The following IQSEC1 variants were observed in gnomAD, a reference collection of about 807,000 sequenced individuals.
IQSEC1 encodes the protein IQ motif and Sec7 domain ArfGEF 1, also known as IQ motif and SEC7 domain-containing protein 1.
In IQSEC1, 31 loss-of-function variants were observed where a neutral mutation model predicts 91.0. That is an observed-to-expected ratio of 0.34 (90% CI 0.26 to 0.46). The LOEUF (loss-of-function observed/expected upper bound fraction) is 0.46. Among genes scored for constraint, IQSEC1 ranks in the 20% least tolerant of loss-of-function variants. The probability of loss-of-function intolerance (pLI) is 1.00; values close to 1 mark genes in which losing one functional copy is unlikely to be tolerated. For missense variants in IQSEC1, 1,388 were observed against 1,575.6 expected (o/e 0.88, Z 2.02); for synonymous variants, 699 against 662.6 (o/e 1.05, Z -0.84).
intron 1 of IQSEC1, among the ~76,000 whole-genome samples, chr3:13,012,574 A>G (rs1443966609): frequency 1.3e-5 from 2 of 152,226 alleles, no homozygotes; most frequent in South Asian, 4.1e-4. Flanking sequence ...GGCCTGTCAC[A>G]GGGCTGGTGA....
intron 1 of IQSEC1, among the ~76,000 whole-genome samples, chr3:13,063,568 G>A (rs1331337945): frequency 2.0e-5 from 3 of 152,216 alleles, no homozygotes; most frequent in South Asian, 2.1e-4. Flanking sequence ...GAAGAGGCCT[G>A]GGCTGGGGCT....
At chr3:13,161,957 A>G (rs1490614980) in intron 2 of IQSEC1, among the ~76,000 whole-genome samples, 1 of 152,098 alleles carries the variant, frequency 6.6e-6, no homozygotes, top group Non-Finnish European at 1.5e-5. Flanking sequence ...GTCCCTGCAC[A>G]TGCTGTTCCC....
intron 1 of IQSEC1, among the ~76,000 whole-genome samples, chr3:12,996,552 A>G (rs1702233679): frequency 6.6e-6 from 1 of 152,242 alleles, no homozygotes; most frequent in East Asian, 1.9e-4. Flanking sequence ...TAACTGCATA[A>G]AAATTAAAAC....
At chr3:13,261,627 A>T (rs1576314387) in intron 1 of IQSEC1, among the ~76,000 whole-genome samples, 2 of 151,340 alleles carry the variant, frequency 1.3e-5, no homozygotes, top group African/African-American at 4.9e-5. Context: ...TGCTGCAAGG[A>T]GCTGGTGACC....
chr3:13,229,728 C>T (rs1458407958), intron 1 of IQSEC1, among the ~76,000 whole-genome samples: 2 of 152,230 alleles, frequency 1.3e-5, no homozygotes, highest in Admixed American at 6.5e-5. Context: ...ACTGTTCCCC[C>T]TGCTGGGATG....
Position 12,967,588 on chromosome 3 carries a change from C to G in IQSEC1, c.24-25723G>C, listed in dbSNP as rs946351770. ...GAGACCCGACCACCCGCCACGCGAT[C>G]ACGTCGGGGCTCCTGGTCCAGCGTC... On this transcript the variant is annotated intron_variant, in intron 1 of 13. Transcript: ENST00000613206. The surrounding 1 kb of genome is among the most constrained non-coding windows in gnomAD (Gnocchi z 5.9). 4.7e-6 allele frequency: 6 copies of G among 1,284,594 alleles called. No individual in the cohort carries two copies. In the African/African-American group the frequency reaches 4.7e-5, roughly 10 times the overall value. 79.6% of individuals were successfully genotyped at this position (1,284,594 alleles called of 1,614,324 possible).
chr3:13,256,794 C>T (rs1042159800), intron 1 of IQSEC1, among the ~76,000 whole-genome samples: 18 of 152,108 alleles, frequency 1.2e-4, no homozygotes, highest in Admixed American at 1.3e-4. Context: ...CATGGAGAGA[C>T]GCAAAGCACG....
intron 1 of IQSEC1, among the ~76,000 whole-genome samples, chr3:13,206,239 A>G (rs1042580455): frequency 3.8e-5 from 5 of 132,770 alleles, no homozygotes; most frequent in African/African-American, 5.7e-5. Flanking sequence ...ACAAAACATC[A>G]TGTATATAGG....
chr3:13,076,942 A>T (rs1344236576), upstream of IQSEC1, among the ~76,000 whole-genome samples: 1 of 151,822 alleles, frequency 6.6e-6, no homozygotes, highest in East Asian at 1.9e-4. Flanking sequence ...TTTTCTATGC[A>T]TTTATCTACA....
At chr3:12,998,867 G>A (rs2125655198) in intron 1 of IQSEC1, among the ~76,000 whole-genome samples, 1 of 152,098 alleles carries the variant, frequency 6.6e-6, no homozygotes, top group South Asian at 2.1e-4. Flanking sequence ...AAAGTGGGGG[G>A]TCGGGGGGCA....
chr3:13,265,017 G>A (rs1239860783), intron 1 of IQSEC1, among the ~76,000 whole-genome samples: 6 of 152,152 alleles, frequency 3.9e-5, no homozygotes, highest in Non-Finnish European at 5.9e-5. Context: ...GAAGGTGGGA[G>A]CTGCAGCCCT....
chr3:13,041,322 T>G (rs576109532), intron 1 of IQSEC1, among the ~76,000 whole-genome samples: 9 of 152,014 alleles, frequency 5.9e-5, no homozygotes, highest in Non-Finnish European at 1.2e-4. Flanking sequence ...GACAGGCCTC[T>G]CTCGCTGGCA....
intron 2 of IQSEC1, among the ~76,000 whole-genome samples, chr3:13,095,451 C>CG (rs1431972838): frequency 6.6e-6 from 1 of 152,106 alleles, no homozygotes; most frequent in Admixed American, 6.5e-5. Context: ...ACAGCAGCAC[C>CG]GGGGGCTGAT....
At chr3:13,091,123 C>T (rs957348956) in intron 2 of IQSEC1, among the ~76,000 whole-genome samples, 1 of 152,158 alleles carries the variant, frequency 6.6e-6, no homozygotes, top group Non-Finnish European at 1.5e-5. Context: ...TCACTCCGGT[C>T]TTGACTCAGT....
intron 2 of IQSEC1, among the ~76,000 whole-genome samples, chr3:13,101,906 G>A (rs949078488): frequency 2.1e-5 from 3 of 142,982 alleles, no homozygotes; most frequent in African/African-American, 7.5e-5. Context: ...AGGATTTCAC[G>A]AGTTAAGTGC....
At chr3:13,071,494 G>T (rs13065418) in intron 1 of IQSEC1, among the ~76,000 whole-genome samples, 37,731 of 152,070 alleles carry the variant, frequency 0.25, 5,166 homozygotes, top group East Asian at 0.37. Context: ...CAAAGGTGTG[G>T]CAGGGAGGAG....
intron 1 of IQSEC1, among the ~76,000 whole-genome samples, chr3:12,971,062 G>A (rs1029797321): frequency 3.3e-5 from 5 of 152,338 alleles, no homozygotes; most frequent in Middle Eastern, 3.4e-3. Flanking sequence ...TATTGTCAAT[G>A]GCTTCTTCCA....
At chr3:13,199,969 C>T (rs1363835029) in intron 1 of IQSEC1, among the ~76,000 whole-genome samples, 3 of 148,882 alleles carry the variant, frequency 2.0e-5, no homozygotes, top group Non-Finnish European at 3.0e-5. Flanking sequence ...TACACATACA[C>T]CACACCACAT....
At chr3:13,216,489 G>A (rs1021252915) in intron 1 of IQSEC1, among the ~76,000 whole-genome samples, 2 of 152,164 alleles carry the variant, frequency 1.3e-5, no homozygotes, top group East Asian at 1.9e-4. Flanking sequence ...GCAGAGCGAC[G>A]AGCTGTCCAC....
Sources: allele counts gnomAD v4.1 joint callset (sites outside exome capture counted in the v4.1 genomes callset), GRCh38; gene constraint gnomAD v4.1.1; non-coding constraint Gnocchi (gnomAD v3.1); transcripts MANE v1.5; gene names NCBI Gene and HGNC (gene_info 2026-07-23, HGNC 2026-07-21).